The following MAP4K4 variants were observed in gnomAD, a reference collection of about 807,000 sequenced individuals.
The protein encoded by MAP4K4 is HPK/GCK-like kinase HGK.
Under a neutral mutation model 189.6 loss-of-function variants are expected in MAP4K4, and 38 were observed. The observed-to-expected ratio is 0.20, with a 90% CI of 0.15 to 0.26. The LOEUF (loss-of-function observed/expected upper bound fraction) is 0.26, where lower values mean the gene tolerates loss of function less well. MAP4K4 is among the 10% of genes least tolerant of loss of function. MAP4K4 has a pLI of 1.00. For synonymous variants in MAP4K4, 610 were observed against 624.3 expected, an observed-to-expected ratio of 0.98 and a Z score of 0.34; for missense variants, 1,054 against 1,726.9, an observed-to-expected ratio of 0.61 and a Z score of 6.91.
intron 2 of MAP4K4, among the ~76,000 whole-genome samples, chr2:101,746,210 A>G (rs969833925): frequency 1.3e-5 from 2 of 149,692 alleles, no homozygotes; most frequent in Non-Finnish European, 3.0e-5. Flanking sequence ...CTGGTCTTCA[A>G]CTCCTGGGCT....
chr2:101,719,019 G>A (rs374382502), intron 2 of MAP4K4, among the ~76,000 whole-genome samples: 12 of 152,280 alleles, frequency 7.9e-5, no homozygotes, highest in African/African-American at 2.9e-4. Context: ...CAATGATTTT[G>A]TGAACAGATT....
chr2:101,871,833 G>A, intron 24 of MAP4K4, 148 bp downstream of exon 24: 1 of 711,588 alleles, frequency 1.4e-6, no homozygotes, highest in Non-Finnish European at 2.2e-6. Context: ...CCAACCCCAA[G>A]TAACATGTTT....
chr2:101,853,456 C>T (rs543660890), intron 12 of MAP4K4, among the ~76,000 whole-genome samples: 1 of 152,182 alleles, frequency 6.6e-6, no homozygotes, highest in Admixed American at 6.5e-5. Context: ...TTTTAATGAA[C>T]ACTCCTAGAC....
chr2:101,795,631 A>T (rs1315233236), intron 3 of MAP4K4, among the ~76,000 whole-genome samples: 2 of 152,176 alleles, frequency 1.3e-5, no homozygotes, highest in African/African-American at 4.8e-5. Context: ...TCCTCTGAGG[A>T]GCCTTAGTTC....
At chr2:101,871,937 C>T (rs1328702951) in intron 24 of MAP4K4, among the ~76,000 whole-genome samples, 1 of 152,174 alleles carries the variant, frequency 6.6e-6, no homozygotes, top group East Asian at 1.9e-4. Flanking sequence ...AGTTGCATGG[C>T]TTTATCTAGT....
chr2:101,720,187 T>G (rs1389252107), intron 2 of MAP4K4, among the ~76,000 whole-genome samples: 1 of 5,994 alleles, frequency 1.7e-4, no homozygotes, highest in Non-Finnish European at 2.8e-4. Flanking sequence ...TCAGTGGTGT[T>G]TTTTTTTTTT....
chr2:101,829,195 T>C (rs904999834), intron 5 of MAP4K4, among the ~76,000 whole-genome samples: 21 of 152,162 alleles, frequency 1.4e-4, no homozygotes, highest in Admixed American at 7.9e-4. Flanking sequence ...TGTACACAAA[T>C]AGCACAAATT....
intron 27 of MAP4K4, among the ~76,000 whole-genome samples, chr2:101,882,284 C>T (rs2098411100): frequency 6.6e-6 from 1 of 152,208 alleles, no homozygotes; most frequent in Non-Finnish European, 1.5e-5. Context: ...GAGATCACTT[C>T]TTTTCCAAAG....
chr2:101,809,351 G>GT (rs200952315), intron 3 of MAP4K4, among the ~76,000 whole-genome samples: 8,643 of 147,574 alleles, frequency 0.059, 649 homozygotes, highest in African/African-American at 0.18. Context: ...TTTATTCTTA[G>GT]TTTTTTTTTT....
chr2:101,848,136 C>T (rs972152402), intron 12 of MAP4K4, among the ~76,000 whole-genome samples: 1 of 152,166 alleles, frequency 6.6e-6, no homozygotes, highest in African/African-American at 2.4e-5. Context: ...AATCACCTAA[C>T]GACGCATTTC....
At chr2:101,795,286 G>A (rs1284797522) in intron 3 of MAP4K4, among the ~76,000 whole-genome samples, 2 of 152,118 alleles carry the variant, frequency 1.3e-5, no homozygotes, top group Non-Finnish European at 2.9e-5. Flanking sequence ...AATGATTCTT[G>A]CTTAGGTTAG....
At chr2:101,866,497 C>T (rs374784598) in exon 19 of MAP4K4, 1 of 1,613,674 alleles carries the variant, frequency 6.2e-7, no homozygotes, top group South Asian at 1.1e-5. Context: ...GTGGCAGCTC[C>T]TCAGGGTCCA....
At position 101,775,511 on chromosome 2, in the gene MAP4K4, T is replaced by C. The variant is rs149877514; in HGVS notation, c.124-15209T>C. On this transcript the variant is annotated intron_variant, in intron 2 of 32. Coordinates refer to ENST00000324219, the Ensembl canonical transcript of MAP4K4. The stretch of plus-strand genomic sequence containing the variant: ...AGGTCTGTGTTTACAAATTACTGAA[T>C]ATGTTTGTCATATAACACCTGTTAG... Among the ~76,000 whole-genome samples, 191 of 152,174 alleles carry C rather than the reference T, an allele frequency of 1.3e-3. 1 individual carries two copies. The highest frequency in any genetic ancestry group is 4.5e-3 in the African/African-American group (187 of 41,514).
chr2:101,732,651 A>G (rs2058966582), intron 2 of MAP4K4, among the ~76,000 whole-genome samples: 2 of 152,002 alleles, frequency 1.3e-5, no homozygotes, highest in Admixed American at 1.3e-4. Context: ...GTGCAGTGGC[A>G]CCATCTCGGC....
At chr2:101,830,484 C>T (rs151070248) in intron 6 of MAP4K4, among the ~76,000 whole-genome samples, 8 of 152,290 alleles carry the variant, frequency 5.3e-5, no homozygotes, top group Non-Finnish European at 7.4e-5. Flanking sequence ...TCCACTAACA[C>T]ATCACAACAA....
intron 2 of MAP4K4, among the ~76,000 whole-genome samples, chr2:101,704,537 G>GTATATATATA (rs1559012952): frequency 2.7e-5 from 2 of 74,262 alleles, no homozygotes; most frequent in African/African-American, 1.6e-4. Flanking sequence ...GTGTGTGTGT[G>GTATATATATA]TGTGTATATA....
At chr2:101,840,380 C>T (rs536862821) in intron 10 of MAP4K4, among the ~76,000 whole-genome samples, 2 of 152,272 alleles carry the variant, frequency 1.3e-5, no homozygotes, top group African/African-American at 4.8e-5. Flanking sequence ...GCCCAAGAAC[C>T]CCCGCTCAGG....
chr2:101,755,291 G>T (rs959610125), intron 2 of MAP4K4, among the ~76,000 whole-genome samples: 7 of 151,182 alleles, frequency 4.6e-5, no homozygotes, highest in African/African-American at 1.7e-4. Flanking sequence ...AAGGCCCTTT[G>T]TCTGTTATGC....
At chr2:101,756,202 C>T (rs1005311422) in intron 2 of MAP4K4, among the ~76,000 whole-genome samples, 1 of 152,092 alleles carries the variant, frequency 6.6e-6, no homozygotes, top group African/African-American at 2.4e-5. Context: ...CCTCGGCCTC[C>T]CAAAGTGCTG....
Sources: gnomAD v4.1 joint callset for allele counts (sites outside exome capture counted in the v4.1 genomes callset) on GRCh38, gnomAD v4.1.1 for gene constraint, MANE v1.5 for transcripts, NCBI Gene and HGNC (gene_info 2026-07-23, HGNC 2026-07-21) for gene names.